Variants in DHX15 observed in about 807,000 individuals in gnomAD.
The protein encoded by DHX15 is ATP-dependent RNA helicase DHX15.
DHX15 carries 11 observed loss-of-function variants against 94.4 expected under a neutral mutation model. That is an observed-to-expected ratio of 0.12 (90% CI 0.07 to 0.19). DHX15 has a LOEUF of 0.19. Ranked by LOEUF, DHX15 falls within the 10% of genes least tolerant of loss-of-function variation. The pLI, the probability that DHX15 is intolerant of heterozygous loss-of-function variation, is 1.00. For synonymous variants in DHX15, 338 were observed against 329.9 expected, an observed-to-expected ratio of 1.02 and a Z score of -0.27; for missense variants, 304 against 988.5, an observed-to-expected ratio of 0.31 and a Z score of 9.29.
chr4:24,562,173 TA>T (rs1721888961), intron 3 of DHX15, among the ~76,000 whole-genome samples: 1 of 143,758 alleles, frequency 7.0e-6, no homozygotes, highest in Admixed American at 7.0e-5. Context: ...ACCAAACTCC[TA>T]CAACATGCAA....
At chr4:24,547,883 C>G (rs1394069875) in intron 6 of DHX15, among the ~76,000 whole-genome samples, 16 of 31,090 alleles carry the variant, frequency 5.1e-4, no homozygotes, top group African/African-American at 8.5e-4. Context: ...CTCTCTCTCT[C>G]TCTCTCTATG....
Position 24,527,607 on chromosome 4 carries a change from T to C in DHX15, c.*317A>G, listed in dbSNP as rs1021853555. 4 of 230,216 alleles carry C rather than the reference T, an allele frequency of 1.7e-5. No homozygotes were observed. Among genetic ancestry groups the C allele is most frequent in the African/African-American group, 6.7e-5 (3 of 44,472 alleles). The allele number at this position is 230,216 out of a possible 1,614,324, so 14.3% of individuals were successfully genotyped here. ...ACAATTACAACGATCATGCATACCA[T>C]GGTCGATAATCACATTTTAGAAGCA... On this transcript the variant is annotated 3_prime_UTR_variant, in exon 14 of 14. Coordinates refer to ENST00000336812, the MANE Select transcript of DHX15 (RefSeq NM_001358.3).
chr4:24,563,186 A>G (rs928445306), intron 3 of DHX15: 2 of 151,780 alleles, frequency 1.3e-5, no homozygotes, highest in African/African-American at 2.4e-5. Flanking sequence ...GTATGTATAT[A>G]TTTTAAAGAG....
intron 3 of DHX15, 71 bp downstream of exon 3, chr4:24,570,582 CA>C: frequency 6.9e-7 from 1 of 1,443,996 alleles, no homozygotes. Flanking sequence ...CCTGCACTAG[CA>C]AAGTCTTCTA....
chr4:24,533,315 A>C, intron 11 of DHX15: 1 of 488,098 alleles, frequency 2.0e-6, no homozygotes, highest in South Asian at 2.4e-5. Context: ...TTAGTGAATT[A>C]CTTCTCCCAT....
At chr4:24,536,776 T>C (rs1721207902) in intron 11 of DHX15, among the ~76,000 whole-genome samples, 1 of 152,210 alleles carries the variant, frequency 6.6e-6, no homozygotes, top group Non-Finnish European at 1.5e-5. Context: ...AAAACGTGTA[T>C]GTTAGTGATA....
Position 24,556,365 on chromosome 4 carries a change from G to T in DHX15, c.747C>A (p.Pro249=), listed in dbSNP as rs1348306793. 1 of 1,613,556 alleles carries T rather than the reference G, an allele frequency of 6.2e-7. No individual in the cohort carries two copies. The highest frequency in any genetic ancestry group is 1.1e-5 in the South Asian group (1 of 91,026). The change falls in exon 4 of 14, where the codon CCC becomes CCA. Residue 249 remains proline (P), a synonymous_variant. Transcript: ENST00000336812. ...GMLLREAMND[P]LLERYGVIIL... The stretch of plus-strand genomic sequence containing the variant: ...TTATTACACCATAACGCTCCAGGAG[G>T]GGATCATTCATAGCTTCACGAAGTA...
intron 3 of DHX15, among the ~76,000 whole-genome samples, chr4:24,559,375 T>TAAAAAA (rs535455690): frequency 4.8e-4 from 45 of 93,292 alleles, no homozygotes; most frequent in East Asian, 9.1e-4. Flanking sequence ...TTTAAGCCAC[T>TAAAAAA]AAAAAAAAAA....
intron 2 of DHX15, among the ~76,000 whole-genome samples, chr4:24,575,301 T>C (rs1303260724): frequency 6.6e-6 from 1 of 152,194 alleles, no homozygotes; most frequent in Non-Finnish European, 1.5e-5. Context: ...ATGCGGTATG[T>C]TCAATCTCTG....
intron 13 of DHX15, 114 bp downstream of exon 13, chr4:24,529,487 C>G: frequency 1.2e-6 from 1 of 865,342 alleles, no homozygotes; most frequent in East Asian, 2.5e-5. Flanking sequence ...CATACCTACA[C>G]ACTGAAATAT....
intron 1 of DHX15, 190 bp downstream of exon 1, chr4:24,584,133 C>G (rs925155852): frequency 3.3e-6 from 2 of 604,822 alleles, no homozygotes; most frequent in South Asian, 2.1e-5. Context: ...CCCCGTCGCA[C>G]GCAACCCCCC....
intron 5 of DHX15, among the ~76,000 whole-genome samples, chr4:24,550,118 A>AAAAAAAAAAAC (rs1560766877): frequency 2.1e-5 from 3 of 145,276 alleles, no homozygotes; most frequent in South Asian, 4.5e-4. Flanking sequence ...AAAAAAAAAA[A>AAAAAAAAAAAC]AAAAACGGTA....
intron 3 of DHX15, among the ~76,000 whole-genome samples, chr4:24,567,942 G>A (rs1722031933): frequency 6.6e-6 from 1 of 152,202 alleles, no homozygotes. Flanking sequence ...AGCCATTTAA[G>A]GCTAGACTAA....
intron 1 of DHX15, among the ~76,000 whole-genome samples, chr4:24,577,658 G>C (rs1044992044): frequency 6.6e-6 from 1 of 152,088 alleles, no homozygotes; most frequent in African/African-American, 2.4e-5. Flanking sequence ...TCTACTTCCA[G>C]TTACTAGAGA....
intron 7 of DHX15, 73 bp downstream of exon 7, chr4:24,542,867 T>C (rs1721344864): frequency 2.8e-6 from 3 of 1,073,008 alleles, no homozygotes; most frequent in Non-Finnish European, 4.2e-6. Context: ...AGGTAAATTT[T>C]AGCCATTAAA....
At chr4:24,536,911 T>G (rs1283741008) in intron 11 of DHX15, 140 bp downstream of exon 11, 2 of 954,328 alleles carry the variant, frequency 2.1e-6, no homozygotes, top group Non-Finnish European at 2.9e-6. Context: ...TTTTAAATGC[T>G]CGTCAGGAGT....
rs1721115799 is a variant in DHX15, at chr4:24,532,891, T to C, written c.2073A>G (p.Lys691=). The C allele has an allele frequency of 5.0e-6, 8 of 1,610,040 alleles. No homozygotes were observed. Among genetic ancestry groups the C allele is most frequent in the Non-Finnish European group, 6.8e-6 (8 of 1,178,412 alleles). The change falls in exon 12 of 14, where the codon AAA becomes AAG. Residue 691 remains lysine, a synonymous_variant. Coordinates refer to ENST00000336812, the MANE Select transcript of DHX15 (RefSeq NM_001358.3). ...GCATAAAATACCCAGTAACCAAAGC[T>C]TTTCTTATATTAATATAATAGTCCC... ...TSRDYYINIR[K]ALVTGYFMQV... is the part of the protein sequence containing the mutation.
intron 1 of DHX15, among the ~76,000 whole-genome samples, chr4:24,578,369 A>C (rs960515493): frequency 6.6e-6 from 1 of 152,216 alleles, no homozygotes; most frequent in African/African-American, 2.4e-5. Context: ...TAATAAGAGT[A>C]CACAGAAATG....
chr4:24,531,011 A>T (rs1042115112), intron 12 of DHX15: 4 of 151,988 alleles, frequency 2.6e-5, no homozygotes, highest in African/African-American at 9.7e-5. Flanking sequence ...CTACAAGCAC[A>T]CTCTGTGGTG....
Sources: allele counts gnomAD v4.1 joint callset (sites outside exome capture counted in the v4.1 genomes callset), GRCh38; gene constraint gnomAD v4.1.1; transcripts MANE v1.5; gene names NCBI Gene and HGNC (gene_info 2026-07-23, HGNC 2026-07-21).